Variants in WWOX observed in about 807,000 individuals in gnomAD.
WWOX encodes WW domain containing oxidoreductase.
A neutral mutation model predicts 46.2 loss-of-function variants in WWOX; 69 were observed. The observed-to-expected ratio is 1.49, with a 90% CI of 1.23 to 1.82. The LOEUF (loss-of-function observed/expected upper bound fraction) is 1.82. Ranked by LOEUF, WWOX falls within the 40% of genes most tolerant of loss-of-function variation. WWOX has a pLI of 0.00. For synonymous variants in WWOX, 359 were observed against 202.6 expected (o/e 1.77, Z -6.56); for missense variants, 919 against 542.6 (o/e 1.69, Z -6.89).
chr16:79,023,500 A>G (rs1202864003), intron 8 of WWOX, among the ~76,000 whole-genome samples: 1 of 152,212 alleles, frequency 6.6e-6, no homozygotes, highest in Non-Finnish European at 1.5e-5. Flanking sequence ...ATTACTGGCC[A>G]GGAGACTAGG....
intron 8 of WWOX, among the ~76,000 whole-genome samples, chr16:78,767,027 T>C (rs1316222891): frequency 6.6e-6 from 1 of 152,066 alleles, no homozygotes; most frequent in African/African-American, 2.4e-5. Flanking sequence ...TATTGTAGCA[T>C]ATATCAAAAT....
intron 8 of WWOX, among the ~76,000 whole-genome samples, chr16:78,497,242 T>C (rs935900999): frequency 6.6e-6 from 1 of 152,270 alleles, no homozygotes; most frequent in South Asian, 2.1e-4. Flanking sequence ...ATTTTTTTGC[T>C]CTGATTCTAG....
At chr16:78,168,603 A>G (rs1377765034) in intron 5 of WWOX, 1 of 151,872 alleles carries the variant, frequency 6.6e-6, no homozygotes, top group East Asian at 1.9e-4. Context: ...CCATCTTTTT[A>G]CCATGTTTAG....
intron 8 of WWOX, among the ~76,000 whole-genome samples, chr16:78,641,299 T>C (rs2046704492): frequency 6.6e-6 from 1 of 151,568 alleles, no homozygotes; most frequent in Non-Finnish European, 1.5e-5. Context: ...CAAATGCAAA[T>C]ATGACAATAG....
Position 78,143,024 on chromosome 16 carries a change from T to A in WWOX, c.410-21159T>A, listed in dbSNP as rs563524797. Among the ~76,000 whole-genome samples the A allele has an allele frequency of 7.1e-4, 108 of 152,160 alleles. 1 individual carries two copies. The highest frequency in any genetic ancestry group is 1.0e-3 in the Non-Finnish European group (68 of 68,034). On this transcript the variant is annotated intron_variant, in intron 4 of 8. Transcript: ENST00000566780. ...TCCAAAAACAACACATTTGTCAGTT[T>A]TACACACAAAAGGAGAGGCAGGATG... is the stretch of plus-strand genomic sequence containing the variant.
At chr16:78,782,512 A>C (rs1036408882) in intron 8 of WWOX, among the ~76,000 whole-genome samples, 3 of 152,162 alleles carry the variant, frequency 2.0e-5, no homozygotes, top group African/African-American at 7.2e-5. Flanking sequence ...CATCCAAACT[A>C]CTTGGTAATT....
At chr16:78,569,634 A>G (rs2044663990) in intron 8 of WWOX, among the ~76,000 whole-genome samples, 1 of 152,244 alleles carries the variant, frequency 6.6e-6, no homozygotes, top group Non-Finnish European at 1.5e-5. Flanking sequence ...ACACTGATTA[A>G]TCACAGTTAT....
intron 8 of WWOX, among the ~76,000 whole-genome samples, chr16:78,558,319 T>C (rs1195035399): frequency 6.6e-6 from 1 of 152,244 alleles, no homozygotes; most frequent in Non-Finnish European, 1.5e-5. Flanking sequence ...GTGGATGTCT[T>C]TGGTTTGGCC....
At chr16:78,455,549 A>G (rs2083794274) in intron 8 of WWOX, among the ~76,000 whole-genome samples, 1 of 149,338 alleles carries the variant, frequency 6.7e-6, no homozygotes. Flanking sequence ...ATGCTGAGGC[A>G]CGAGAATTGC....
intron 8 of WWOX, among the ~76,000 whole-genome samples, chr16:78,974,563 G>A (rs1474091600): frequency 6.6e-6 from 1 of 152,176 alleles, no homozygotes; most frequent in Admixed American, 6.5e-5. Context: ...CTTAAATATT[G>A]TGCAATGTGC....
chr16:78,214,994 A>G (rs2036671788), intron 5 of WWOX, among the ~76,000 whole-genome samples: 1 of 152,162 alleles, frequency 6.6e-6, no homozygotes, highest in African/African-American at 2.4e-5. Flanking sequence ...AATTAAGAGG[A>G]TTGTCTTTGC....
chr16:78,482,998 A>G (rs2084533541), intron 8 of WWOX, among the ~76,000 whole-genome samples: 1 of 152,138 alleles, frequency 6.6e-6, no homozygotes, highest in Non-Finnish European at 1.5e-5. Context: ...CACTTTAAGA[A>G]AAGGAGTCAA....
intron 8 of WWOX, among the ~76,000 whole-genome samples, chr16:79,157,824 G>T (rs774365419): frequency 7.9e-5 from 12 of 152,160 alleles, no homozygotes; most frequent in Non-Finnish European, 1.5e-4. Context: ...TGGGTTCTGT[G>T]GGGAGGACTG....
intron 5 of WWOX, among the ~76,000 whole-genome samples, chr16:78,293,978 G>GA (rs35079271): frequency 0.13 from 3,778 of 30,176 alleles, 360 homozygotes; most frequent in African/African-American, 0.15. Flanking sequence ...CTCTGTCTCA[G>GA]AAAAAAAAAA....
At chr16:78,418,686 T>C (rs2082855907) in intron 6 of WWOX, among the ~76,000 whole-genome samples, 1 of 152,134 alleles carries the variant, frequency 6.6e-6, no homozygotes, top group Non-Finnish European at 1.5e-5. Flanking sequence ...AACATAATAG[T>C]AGAATAAAAG....
At chr16:78,479,235 A>G (rs79212444) in intron 8 of WWOX, among the ~76,000 whole-genome samples, 3 of 152,308 alleles carry the variant, frequency 2.0e-5, no homozygotes, top group South Asian at 2.1e-4. Flanking sequence ...AATACCTACT[A>G]TGTGTCTGGC....
chr16:78,537,455 T>C (rs1328070978), intron 8 of WWOX, among the ~76,000 whole-genome samples: 1 of 152,246 alleles, frequency 6.6e-6, no homozygotes, highest in Non-Finnish European at 1.5e-5. Context: ...ATGTGATACC[T>C]ACTGCCTTTT....
chr16:78,513,892 A>ACCCCC (rs2085423839), intron 8 of WWOX, among the ~76,000 whole-genome samples: 2 of 119,558 alleles, frequency 1.7e-5, no homozygotes, highest in African/African-American at 4.0e-5. Flanking sequence ...TACAGTTCCC[A>ACCCCC]CTCCCCCCCC....
At chr16:78,672,034 G>T (rs971276137) in intron 8 of WWOX, among the ~76,000 whole-genome samples, 23 of 152,096 alleles carry the variant, frequency 1.5e-4, no homozygotes, top group Non-Finnish European at 3.4e-4. Flanking sequence ...TAAGAGTTAA[G>T]TATCACTTTG....
Sources: gnomAD v4.1 joint callset for allele counts (sites outside exome capture counted in the v4.1 genomes callset) on GRCh38, gnomAD v4.1.1 for gene constraint, MANE v1.5 for transcripts, NCBI Gene and HGNC (gene_info 2026-07-23, HGNC 2026-07-21) for gene names.